AFG2A: variants seen among roughly 807,000 people sequenced by gnomAD.
The protein encoded by AFG2A is AAA ATPase AFG2A.
At chr4:122,945,692 C>T in the AFG2A span, among the ~76,000 whole-genome samples, 2 of 152,208 alleles carry the variant, frequency 1.3e-5, no homozygotes, top group East Asian at 1.9e-4. Flanking sequence ...GTGAGATGAA[C>T]CTGGTACCTC....
the AFG2A span, among the ~76,000 whole-genome samples, chr4:122,955,780 A>G: frequency 6.6e-6 from 1 of 152,226 alleles, no homozygotes; most frequent in East Asian, 1.9e-4. Context: ...ACTGCAGGTT[A>G]TGTAGACTAT....
At chr4:123,171,350 C>T in the AFG2A span, among the ~76,000 whole-genome samples, 1 of 151,788 alleles carries the variant, frequency 6.6e-6, no homozygotes, top group Non-Finnish European at 1.5e-5. Context: ...TACATTTGTT[C>T]TATGTAATGG....
At chr4:123,254,730 C>T in the AFG2A span, among the ~76,000 whole-genome samples, 2 of 152,174 alleles carry the variant, frequency 1.3e-5, no homozygotes, top group Non-Finnish European at 2.9e-5. Flanking sequence ...CATGCTTTCT[C>T]CTATTACCAA....
chr4:123,136,765 C>A, the AFG2A span, among the ~76,000 whole-genome samples: 3 of 150,396 alleles, frequency 2.0e-5, no homozygotes, highest in Non-Finnish European at 3.0e-5. Flanking sequence ...TCGCTTGAAC[C>A]CAGGAGGCAG....
chr4:123,174,765 A>G, the AFG2A span, among the ~76,000 whole-genome samples: 1 of 152,018 alleles, frequency 6.6e-6, no homozygotes, highest in African/African-American at 2.4e-5. Flanking sequence ...AGTGACAGGT[A>G]TAACCACAGA....
the AFG2A span, among the ~76,000 whole-genome samples, chr4:122,959,229 C>T: frequency 1.3e-5 from 2 of 152,024 alleles, no homozygotes; most frequent in African/African-American, 2.4e-5. Flanking sequence ...ATTCTTTGAC[C>T]GTCTCTAATA....
the AFG2A span, among the ~76,000 whole-genome samples, chr4:122,965,976 G>T: frequency 2.0e-5 from 3 of 151,976 alleles, no homozygotes; most frequent in African/African-American, 2.4e-5. Context: ...TGGCCAAAAG[G>T]GCTAAGTCTT....
the AFG2A span, among the ~76,000 whole-genome samples, chr4:123,075,970 C>T: frequency 3.6e-5 from 3 of 82,216 alleles, no homozygotes; most frequent in East Asian, 1.3e-3. Flanking sequence ...AAAACAACAA[C>T]AACAACAAAA....
At chr4:123,132,710 G>C in the AFG2A span, among the ~76,000 whole-genome samples, 1 of 149,666 alleles carries the variant, frequency 6.7e-6, no homozygotes, top group Non-Finnish European at 1.5e-5. Context: ...TGGCTATTGT[G>C]AATAATGCTT....
At chr4:123,272,097 G>A in the AFG2A span, among the ~76,000 whole-genome samples, 4 of 152,122 alleles carry the variant, frequency 2.6e-5, no homozygotes, top group Non-Finnish European at 5.9e-5. Context: ...GATCAGCAAA[G>A]GTAGTTCAAA....
the AFG2A span, among the ~76,000 whole-genome samples, chr4:123,111,796 G>A: frequency 6.6e-6 from 1 of 151,822 alleles, no homozygotes; most frequent in African/African-American, 2.4e-5. Flanking sequence ...GGGTGCAATG[G>A]CATGATCTCT....
chr4:123,241,186 C>G, the AFG2A span, among the ~76,000 whole-genome samples: 82 of 152,278 alleles, frequency 5.4e-4, no homozygotes, highest in East Asian at 0.015. Flanking sequence ...GATTCACAGC[C>G]AAATTCTACC....
chr4:123,003,648 C>G, the AFG2A span, among the ~76,000 whole-genome samples: 1 of 152,092 alleles, frequency 6.6e-6, no homozygotes, highest in African/African-American at 2.4e-5. Context: ...ATGCTGCTGT[C>G]TGATCATCCC....
chr4:123,175,069 A>T, the AFG2A span, among the ~76,000 whole-genome samples: 20 of 152,058 alleles, frequency 1.3e-4, no homozygotes, highest in Non-Finnish European at 1.9e-4. Flanking sequence ...GCAAGCCATC[A>T]TGCCCAGCCT....
chr4:123,166,141 G>C, the AFG2A span, among the ~76,000 whole-genome samples: 2 of 152,142 alleles, frequency 1.3e-5, no homozygotes, highest in Non-Finnish European at 2.9e-5. Context: ...GCAAAGTATT[G>C]ACCCTGAGTG....
the AFG2A span, among the ~76,000 whole-genome samples, chr4:122,951,957 C>T: frequency 2.0e-5 from 3 of 152,150 alleles, no homozygotes; most frequent in Non-Finnish European, 4.4e-5. Flanking sequence ...GCTCTGAGCT[C>T]AAGGGGCTAT....
At chr4:123,090,524 T>G in the AFG2A span, 1 of 1,585,216 alleles carries the variant, frequency 6.3e-7, no homozygotes, top group South Asian at 1.1e-5. Flanking sequence ...AATTAATAGA[T>G]AATAGTATTT....
chr4:123,013,020 G>A, the AFG2A span, among the ~76,000 whole-genome samples: 6 of 152,150 alleles, frequency 3.9e-5, no homozygotes, highest in East Asian at 3.9e-4. Context: ...TATTTCACCT[G>A]GGTGTCGGCG....
the AFG2A span, among the ~76,000 whole-genome samples, chr4:123,194,435 G>A: frequency 6.6e-6 from 1 of 152,192 alleles, no homozygotes; most frequent in Non-Finnish European, 1.5e-5. Flanking sequence ...CATGTTGGAT[G>A]ACCTTGGACT....
Sources: gnomAD v4.1 joint callset for allele counts (sites outside exome capture counted in the v4.1 genomes callset) on GRCh38, gnomAD v4.1.1 for gene constraint, MANE v1.5 for transcripts, NCBI Gene and HGNC (gene_info 2026-07-23, HGNC 2026-07-21) for gene names.